FAT3: variants seen among roughly 807,000 people sequenced by gnomAD.
The protein encoded by FAT3 is FAT atypical cadherin 3, also known as protocadherin Fat 3.
A neutral mutation model predicts 310.2 loss-of-function variants in FAT3; 95 were observed. The observed-to-expected ratio is 0.31, with a 90% CI of 0.26 to 0.36. FAT3 has a LOEUF of 0.36. Ranked by LOEUF, FAT3 falls within the 10% of genes least tolerant of loss-of-function variation. The probability of loss-of-function intolerance (pLI) is 1.00; values close to 1 mark genes in which losing one functional copy is unlikely to be tolerated. For missense variants in FAT3, 5,408 were observed against 5,715.6 expected (o/e 0.95, Z 1.74); for synonymous variants, 2,314 against 2,192.9 (o/e 1.06, Z -1.54).
chr11:92,859,348 T>A (rs1034190226), intron 21 of FAT3, 26 bp downstream of exon 21: 1 of 1,550,476 alleles, frequency 6.4e-7, no homozygotes, highest in Non-Finnish European at 8.8e-7. Context: ...TATCTTTTTC[T>A]GCAGTCAGTT....
chr11:92,680,158 G>T (rs974908428), intron 3 of FAT3, among the ~76,000 whole-genome samples: 1 of 150,726 alleles, frequency 6.6e-6, no homozygotes, highest in Admixed American at 6.6e-5. Context: ...ATGCTTTTGA[G>T]ATCTTGGCCA....
chr11:92,467,151 T>G (rs925127507), intron 2 of FAT3, among the ~76,000 whole-genome samples: 29 of 150,906 alleles, frequency 1.9e-4, no homozygotes, highest in African/African-American at 3.1e-4. Flanking sequence ...CTGAGGAATC[T>G]CCACACTGAC....
chr11:92,344,882 A>G (rs1011637151), intron 1 of FAT3, among the ~76,000 whole-genome samples: 1 of 152,138 alleles, frequency 6.6e-6, no homozygotes, highest in Non-Finnish European at 1.5e-5. Flanking sequence ...AGGGCACTAT[A>G]TCTACTGTGC....
At chr11:92,720,640 C>T (rs1031621594) in intron 4 of FAT3, among the ~76,000 whole-genome samples, 15 of 152,164 alleles carry the variant, frequency 9.9e-5, no homozygotes, top group Non-Finnish European at 1.5e-4. Context: ...AAATGTGCCA[C>T]GTACCCTCAA....
rs1269287385 is a variant in FAT3 at position 92,801,601 on chromosome 11, T to C, written c.8588T>C (p.Met2863Thr). The C allele has an allele frequency of 1.2e-6, 2 of 1,612,862 alleles. No homozygotes were observed. The highest frequency in any genetic ancestry group is 1.7e-6 in the Non-Finnish European group (2 of 1,179,412). Residue 2863 changes from methionine to threonine, a missense_variant, in exon 10 of 28, where the codon ATG becomes ACG. Coordinates refer to ENST00000525166, the MANE Select transcript of FAT3 (RefSeq NM_001367949.2). ...TCGGATTCCCAGCCCGAAAAGGTAA[T>C]GGAAGCATTCAATATTGACAGCAAC... ...LHSDSQPEKV[M>T]EAFNIDSNTG...
chr11:92,660,848 A>G (rs2135792815), intron 3 of FAT3, among the ~76,000 whole-genome samples: 1 of 152,312 alleles, frequency 6.6e-6, no homozygotes, highest in East Asian at 1.9e-4. Flanking sequence ...CTTCTCTACA[A>G]TCATAAGCAC....
Position 92,723,262 on chromosome 11 carries a change from C to T in FAT3, c.3669+25817C>T, listed in dbSNP as rs1344124503. Among the ~76,000 whole-genome samples, 6 of 152,188 alleles carry T rather than the reference C, an allele frequency of 3.9e-5. No homozygotes were observed. The East Asian group carries it at 1.2e-3, about 29-fold the overall frequency. On this transcript the variant is annotated intron_variant, in intron 4 of 27. Coordinates refer to ENST00000525166, the MANE Select transcript of FAT3 (RefSeq NM_001367949.2). ...CATCTCTCTCAAGTTCAAAGTTCCA[C>T]ATATCTTTAGGGCAGGGGCAAAATT...
At chr11:92,467,654 G>A (rs1246818633) in intron 2 of FAT3, among the ~76,000 whole-genome samples, 1 of 152,100 alleles carries the variant, frequency 6.6e-6, no homozygotes, top group Non-Finnish European at 1.5e-5. Flanking sequence ...CCTTAAAGCT[G>A]TGCCTGTGCC....
chr11:92,282,391 G>A (rs578031996), intron 1 of FAT3, among the ~76,000 whole-genome samples: 8 of 152,164 alleles, frequency 5.3e-5, no homozygotes, highest in Admixed American at 2.0e-4. Flanking sequence ...TTGGCCAGGC[G>A]CAGTGTCTCA....
intron 13 of FAT3, among the ~76,000 whole-genome samples, chr11:92,816,711 C>T (rs547629214): frequency 3.3e-5 from 5 of 152,288 alleles, no homozygotes; most frequent in East Asian, 1.9e-4. Context: ...TGTGGTGGCT[C>T]ATGCCTGTAA....
chr11:92,425,209 T>C (rs1202593792), intron 2 of FAT3, among the ~76,000 whole-genome samples: 1 of 152,082 alleles, frequency 6.6e-6, no homozygotes, highest in Non-Finnish European at 1.5e-5. Context: ...GAGTGATTTT[T>C]TAAAAAGGTA....
At chr11:92,589,906 A>G (rs773142220) in intron 3 of FAT3, among the ~76,000 whole-genome samples, 3 of 152,136 alleles carry the variant, frequency 2.0e-5, no homozygotes, top group Non-Finnish European at 4.4e-5. Flanking sequence ...GCTGCTACTC[A>G]TGTAATGAGT....
At chr11:92,853,835 A>G (rs552569908) in intron 19 of FAT3, among the ~76,000 whole-genome samples, 11 of 152,270 alleles carry the variant, frequency 7.2e-5, no homozygotes, top group African/African-American at 2.4e-4. Flanking sequence ...ATGGCTGGCC[A>G]TGGCAGACCC....
chr11:92,832,015 G>A lies in FAT3; in HGVS notation c.9871+4G>A, dbSNP rs771163209. Reference sequence around the variant, plus strand: ...TTTAAGATCAACCCCAAGACAGGTGGGTAAATAGCACTGTACTTAGAATAC... The same window carrying A: ...TTTAAGATCAACCCCAAGACAGGTGAGTAAATAGCACTGTACTTAGAATAC... On this transcript the variant is annotated splice_donor_region_variant and intron_variant, in intron 14 of 27. Transcript: ENST00000525166. 1.3e-6 allele frequency: 2 copies of A among 1,535,142 alleles called. No individual in the cohort carries two copies. Among genetic ancestry groups the A allele is most frequent in the South Asian group, 1.2e-5 (1 of 82,274 alleles).
intron 2 of FAT3, among the ~76,000 whole-genome samples, chr11:92,369,096 C>T (rs2134707957): frequency 6.6e-6 from 1 of 152,090 alleles, no homozygotes; most frequent in Non-Finnish European, 1.5e-5. Flanking sequence ...ACCACTTCAC[C>T]TAATGTGATG....
chr11:92,526,924 C>T (rs1953886809), intron 3 of FAT3, among the ~76,000 whole-genome samples: 1 of 152,150 alleles, frequency 6.6e-6, no homozygotes, highest in African/African-American at 2.4e-5. Context: ...ATTCAATCAC[C>T]AACCACTTAT....
At chr11:92,675,992 G>A (rs1187643260) in intron 3 of FAT3, among the ~76,000 whole-genome samples, 1 of 152,066 alleles carries the variant, frequency 6.6e-6, no homozygotes, top group African/African-American at 2.4e-5. Context: ...GTTGACAGGA[G>A]CAACCTTCTG....
In FAT3 at chr11:92,629,411, CTTT is replaced by C. The variant is rs34017336; in HGVS notation, c.3608-67956_3608-67954del. On this transcript the variant is annotated intron_variant, in intron 3 of 27. Transcript: ENST00000525166. Reference sequence around the variant, plus strand: ...GCACTATTACCTCTCCTTCCCCTACCTTTTTTTTTTTTTTTTTTTCTTTTTAAG... The same window carrying C: ...GCACTATTACCTCTCCTTCCCCTACCTTTTTTTTTTTTTTTTCTTTTTAAG... Among the ~76,000 whole-genome samples the C allele has an allele frequency of 4.9e-3, 613 of 126,012 alleles. 6 individuals carry two copies. Among genetic ancestry groups the C allele is most frequent in the African/African-American group, 0.012 (378 of 31,422 alleles). 82.7% of individuals were successfully genotyped at this position (126,012 alleles called of 152,430 possible).
At chr11:92,379,416 G>C (rs1949435229) in intron 2 of FAT3, among the ~76,000 whole-genome samples, 1 of 151,960 alleles carries the variant, frequency 6.6e-6, no homozygotes, top group Non-Finnish European at 1.5e-5. Context: ...TATCTTTTTT[G>C]ACTGGACCAG....
Sources: gnomAD v4.1 joint callset for allele counts (sites outside exome capture counted in the v4.1 genomes callset) on GRCh38, gnomAD v4.1.1 for gene constraint, MANE v1.5 for transcripts, NCBI Gene and HGNC (gene_info 2026-07-23, HGNC 2026-07-21) for gene names.